ATP8B4: variants seen among roughly 807,000 people sequenced by gnomAD.
The protein encoded by ATP8B4 is ATPase phospholipid transporting 8B4 (putative).
In ATP8B4, 133 loss-of-function variants were observed where a neutral mutation model predicts 145.6. The observed-to-expected ratio is 0.91, with a 90% confidence interval of 0.79 to 1.05. The LOEUF (loss-of-function observed/expected upper bound fraction) is 1.05. ATP8B4 is among the 50% of genes least tolerant of loss of function. The pLI, the probability that ATP8B4 is intolerant of heterozygous loss-of-function variation, is 0.00. For synonymous variants in ATP8B4, 507 were observed against 492.9 expected (o/e 1.03, Z -0.38); for missense variants, 1,458 against 1,425.2 (o/e 1.02, Z -0.37).
At chr15:49,903,613 G>T (rs1174959923) in intron 20 of ATP8B4, among the ~76,000 whole-genome samples, 1 of 152,184 alleles carries the variant, frequency 6.6e-6, no homozygotes, top group East Asian at 1.9e-4. Flanking sequence ...ATCTGTTGTG[G>T]CCAGGCACAG....
At chr15:49,875,787 C>T (rs1464755951) in intron 25 of ATP8B4, among the ~76,000 whole-genome samples, 1 of 152,172 alleles carries the variant, frequency 6.6e-6, no homozygotes, top group African/African-American at 2.4e-5. Flanking sequence ...CTCAAAAAAT[C>T]ATCCCCACCA....
chr15:49,943,123 GA>G (rs1258716989), intron 14 of ATP8B4, among the ~76,000 whole-genome samples: 3 of 150,742 alleles, frequency 2.0e-5, no homozygotes, highest in East Asian at 3.9e-4. Context: ...GATCAAACAG[GA>G]AAAAAAATTC....
chr15:49,975,009 C>T (rs985829083), intron 12 of ATP8B4, among the ~76,000 whole-genome samples: 1 of 152,164 alleles, frequency 6.6e-6, no homozygotes, highest in Non-Finnish European at 1.5e-5. Context: ...TTATTCTCTT[C>T]CTCTTCAAAA....
rs143710251 is a variant in ATP8B4 at position 50,167,838 on chromosome 15, T to C, written c.-43+14423A>G. ...GCTTCAATGTGAAGTAATCTGTACA[T>C]AGTATACTTTAAATAAACAGCAAAT... On this transcript the variant is annotated intron_variant, in intron 1 of 3. Transcript: ENST00000558829. Among the ~76,000 whole-genome samples the C allele has an allele frequency of 4.1e-4, 62 of 152,282 alleles. No homozygotes were observed. The East Asian group carries it at 0.011, about 28-fold the overall frequency.
intron 2 of ATP8B4, among the ~76,000 whole-genome samples, chr15:50,085,958 T>TTTATATATGATATATATC (rs1567331292): frequency 0.033 from 944 of 28,956 alleles, 30 homozygotes; most frequent in East Asian, 0.053. Flanking sequence ...ATATATCATA[T>TTTATATATGATATATATC]ATATTTATAT....
intron 26 of ATP8B4, among the ~76,000 whole-genome samples, chr15:49,865,014 T>C (rs1055014155): frequency 6.6e-6 from 1 of 152,218 alleles, no homozygotes; most frequent in Non-Finnish European, 1.5e-5. Context: ...TATTTGTTAA[T>C]GAGTTGACTG....
chr15:49,998,816 T>A (rs955353348), intron 8 of ATP8B4, among the ~76,000 whole-genome samples: 954 of 117,508 alleles, frequency 8.1e-3, no homozygotes, highest in South Asian at 0.013. Flanking sequence ...TCCTTGCCCA[T>A]GCCTATGTCC....
intron 1 of ATP8B4, among the ~76,000 whole-genome samples, chr15:50,146,255 C>T (rs932177277): frequency 6.6e-6 from 1 of 152,150 alleles, no homozygotes; most frequent in Admixed American, 6.5e-5. Flanking sequence ...TCGTGATTCA[C>T]CTGCCTTGGC....
chr15:50,004,406 G>T (rs1205898150), intron 7 of ATP8B4, among the ~76,000 whole-genome samples: 3 of 152,194 alleles, frequency 2.0e-5, no homozygotes, highest in Non-Finnish European at 4.4e-5. Context: ...TGCTGTGCCA[G>T]GAGTGGAGCA....
upstream of ATP8B4, among the ~76,000 whole-genome samples, chr15:50,122,718 T>C (rs902158300): frequency 3.3e-5 from 5 of 152,160 alleles, no homozygotes; most frequent in African/African-American, 9.7e-5. Flanking sequence ...TCTATAAGCA[T>C]ATTCTTGAAC....
chr15:50,000,882 T>C (rs1254632398), intron 8 of ATP8B4, among the ~76,000 whole-genome samples: 7 of 152,270 alleles, frequency 4.6e-5, no homozygotes, highest in Admixed American at 3.3e-4. Flanking sequence ...ATTCAAATTA[T>C]CTATTTCATA....
chr15:49,958,430 T>C (rs66937472), intron 14 of ATP8B4, among the ~76,000 whole-genome samples: 2 of 151,642 alleles, frequency 1.3e-5, no homozygotes, highest in Non-Finnish European at 3.0e-5. Context: ...CAGAAGTTAT[T>C]GATTAAAATG....
chr15:49,994,952 C>G (rs1433792408), intron 9 of ATP8B4, among the ~76,000 whole-genome samples: 5 of 152,200 alleles, frequency 3.3e-5, no homozygotes, highest in Non-Finnish European at 5.9e-5. Flanking sequence ...TTACCCTTAG[C>G]CCAGTGCAGT....
rs2048556789 is a variant in ATP8B4 at position 50,009,421 on chromosome 15, T to C, written c.435+1424A>G. ...TGCCTGCAAGAATCGTATAGTCTAG[T>C]GTCAGCTTAGAAGAGAATCACAGCA... On this transcript the variant is annotated intron_variant, in intron 7 of 27. Coordinates refer to ENST00000284509, the MANE Select transcript of ATP8B4 (RefSeq NM_024837.4). 3.7e-5 allele frequency: 8 copies of C among 215,846 alleles called. No individual in the cohort carries two copies. In the South Asian group the frequency reaches 4.8e-4, roughly 13 times the overall value. The allele number at this position is 215,846 out of a possible 1,614,324, so 13.4% of individuals were successfully genotyped here.
chr15:50,038,272 T>C (rs970621808), intron 6 of ATP8B4, among the ~76,000 whole-genome samples: 3 of 152,176 alleles, frequency 2.0e-5, no homozygotes, highest in Non-Finnish European at 2.9e-5. Flanking sequence ...TTTTTCTTCA[T>C]TGATGGATGA....
At position 49,972,579 on chromosome 15, in the gene ATP8B4, T is replaced by C; in HGVS notation, c.1243+3A>G. 6.2e-7 allele frequency: 1 copy of C among 1,610,082 alleles called. No individual in the cohort carries two copies. Among genetic ancestry groups the C allele is most frequent in the Non-Finnish European group, 8.5e-7 (1 of 1,176,786 alleles). On this transcript the variant is annotated splice_donor_region_variant and intron_variant, in intron 13 of 27. Transcript: ENST00000284509. ...GTTAAGAGAAAGGAACTGTTTCTCT[T>C]ACCATAGATTCTCCCATTAATGGAA...
chr15:50,152,628 G>A lies in ATP8B4; in HGVS notation c.-43+29633C>T, dbSNP rs542375606. ...ATTTAATTTACAATTTTAATCCTGG[G>A]AAAGTCTGTCAAAGACATCAAAAAG... On this transcript the variant is annotated intron_variant, in intron 1 of 3. Transcript: ENST00000558829. 4.2e-3 allele frequency among the ~76,000 whole-genome samples: 638 copies of A among 152,168 alleles called. 2 individuals are homozygous for A. The highest frequency in any genetic ancestry group is 6.6e-3 in the Non-Finnish European group (450 of 68,020).
At chr15:50,074,863 C>G (rs1259198506) in intron 2 of ATP8B4, among the ~76,000 whole-genome samples, 1 of 152,162 alleles carries the variant, frequency 6.6e-6, no homozygotes, top group East Asian at 1.9e-4. Context: ...CCCAGAAACA[C>G]CGGCAGAACA....
At chr15:50,153,471 G>T (rs1166264954) in intron 1 of ATP8B4, among the ~76,000 whole-genome samples, 1 of 151,740 alleles carries the variant, frequency 6.6e-6, no homozygotes, top group Non-Finnish European at 1.5e-5. Flanking sequence ...CCTGAGTAGC[G>T]GGAACTACAG....
Sources: gnomAD v4.1 joint callset for allele counts (sites outside exome capture counted in the v4.1 genomes callset) on GRCh38, gnomAD v4.1.1 for gene constraint, MANE v1.5 for transcripts, NCBI Gene and HGNC (gene_info 2026-07-23, HGNC 2026-07-21) for gene names.